Variants in SEMA5A observed in about 807,000 individuals in gnomAD.
The protein encoded by SEMA5A is semaphorin-5A.
SEMA5A carries 55 observed loss-of-function variants against 135.5 expected under a neutral mutation model. The observed-to-expected ratio is 0.41, with a 90% CI of 0.33 to 0.51. SEMA5A has a LOEUF of 0.51. Ranked by LOEUF, SEMA5A falls within the 20% of genes least tolerant of loss-of-function variation. The pLI is 0.37. For synonymous variants in SEMA5A, 580 were observed against 546.5 expected (o/e 1.06, Z -0.85); for missense variants, 1,290 against 1,419.9 (o/e 0.91, Z 1.47).
chr5:9,137,430 GGC>G (rs1458073095), intron 12 of SEMA5A, among the ~76,000 whole-genome samples: 1 of 152,128 alleles, frequency 6.6e-6, no homozygotes, highest in African/African-American at 2.4e-5. Flanking sequence ...TGAGGGCTGT[GGC>G]CTTTACATTA....
intron 11 of SEMA5A, among the ~76,000 whole-genome samples, chr5:9,175,329 C>T (rs1000403266): frequency 2.0e-5 from 3 of 152,072 alleles, no homozygotes; most frequent in Non-Finnish European, 4.4e-5. Context: ...CACCTCACTG[C>T]CTGTATTTCT....
At chr5:9,443,710 C>A (rs1383171717) in intron 1 of SEMA5A, among the ~76,000 whole-genome samples, 2 of 152,260 alleles carry the variant, frequency 1.3e-5, no homozygotes, top group African/African-American at 4.8e-5. Context: ...GCATTAGTAT[C>A]TTTGAAGGAT....
chr5:9,058,262 G>C (rs1401781962), intron 18 of SEMA5A, among the ~76,000 whole-genome samples: 1 of 152,154 alleles, frequency 6.6e-6, no homozygotes, highest in African/African-American at 2.4e-5. Flanking sequence ...AAAGACTTGA[G>C]GCATAGAGAG....
intron 6 of SEMA5A, among the ~76,000 whole-genome samples, chr5:9,231,292 C>T (rs1434358732): frequency 6.6e-6 from 1 of 151,768 alleles, no homozygotes; most frequent in African/African-American, 2.4e-5. Context: ...CATGAAACCC[C>T]ATGCCTACTA....
intron 1 of SEMA5A, among the ~76,000 whole-genome samples, chr5:9,506,289 T>TA (rs1463069572): frequency 6.6e-6 from 1 of 152,254 alleles, no homozygotes; most frequent in Non-Finnish European, 1.5e-5. Flanking sequence ...TTTGTTTATA[T>TA]CTGCATTTAG....
At chr5:9,496,267 A>T (rs1247518306) in intron 1 of SEMA5A, among the ~76,000 whole-genome samples, 1 of 151,978 alleles carries the variant, frequency 6.6e-6, no homozygotes, top group African/African-American at 2.4e-5. Context: ...CTGGTCTCAA[A>T]CTCCTGACCT....
chr5:9,499,906 G>A (rs1003893241), intron 1 of SEMA5A, among the ~76,000 whole-genome samples: 4 of 151,882 alleles, frequency 2.6e-5, no homozygotes, highest in Admixed American at 6.6e-5. Context: ...AAGAAGGCTT[G>A]GGGAAAAAAG....
At chr5:9,339,248 T>C (rs920887351) in intron 3 of SEMA5A, among the ~76,000 whole-genome samples, 1 of 152,134 alleles carries the variant, frequency 6.6e-6, no homozygotes. Context: ...TAGGGGCTTG[T>C]GGGGTTACAG....
intron 15 of SEMA5A, among the ~76,000 whole-genome samples, chr5:9,118,113 A>G (rs1053657670): frequency 6.6e-6 from 1 of 152,236 alleles, no homozygotes; most frequent in African/African-American, 2.4e-5. Context: ...AACTATATAC[A>G]GTATTTTTAT....
intron 2 of SEMA5A, among the ~76,000 whole-genome samples, chr5:9,391,368 C>T (rs1011575576): frequency 7.2e-5 from 11 of 152,122 alleles, no homozygotes; most frequent in Non-Finnish European, 1.3e-4. Context: ...TAACATTTAT[C>T]GGCTGGTGAA....
chr5:9,313,228 T>A (rs956666813), intron 5 of SEMA5A, among the ~76,000 whole-genome samples: 2 of 152,086 alleles, frequency 1.3e-5, no homozygotes, highest in Non-Finnish European at 2.9e-5. Flanking sequence ...GAGAGGAAAA[T>A]TGTAAAACAG....
chr5:9,423,741 GGGAATCAC>G (rs1368976324), intron 2 of SEMA5A, among the ~76,000 whole-genome samples: 2 of 152,226 alleles, frequency 1.3e-5, no homozygotes, highest in East Asian at 3.8e-4. Flanking sequence ...AATCCTTGCA[GGGAATCAC>G]ACACTGAGTG....
chr5:9,500,028 G>T (rs1327382356), intron 1 of SEMA5A, among the ~76,000 whole-genome samples: 1 of 152,144 alleles, frequency 6.6e-6, no homozygotes, highest in Non-Finnish European at 1.5e-5. Context: ...CCATTAGCCA[G>T]TATCCATCTG....
intron 10 of SEMA5A, 77 bp downstream of exon 10, chr5:9,197,091 C>G: frequency 6.3e-7 from 1 of 1,588,264 alleles, no homozygotes; most frequent in Non-Finnish European, 8.6e-7. Flanking sequence ...GTTTAAATTA[C>G]CCTTGCCTGT....
chr5:9,104,751 T>C (rs934541628), intron 16 of SEMA5A, among the ~76,000 whole-genome samples: 2 of 152,152 alleles, frequency 1.3e-5, no homozygotes, highest in African/African-American at 4.8e-5. Context: ...ACCCGCTCTG[T>C]GAAGCCACAG....
At chr5:9,139,718 T>C (rs990910687) in intron 12 of SEMA5A, among the ~76,000 whole-genome samples, 5 of 152,216 alleles carry the variant, frequency 3.3e-5, no homozygotes, top group African/African-American at 1.2e-4. Flanking sequence ...GATATACATG[T>C]TATAAGATTT....
chr5:9,389,414 A>G (rs981461353), intron 2 of SEMA5A, among the ~76,000 whole-genome samples: 2 of 152,206 alleles, frequency 1.3e-5, no homozygotes, highest in Non-Finnish European at 2.9e-5. Flanking sequence ...GTATTTACAT[A>G]TAAAAGCCAG....
At chr5:9,167,301 C>T (rs1287815094) in intron 11 of SEMA5A, among the ~76,000 whole-genome samples, 1 of 152,170 alleles carries the variant, frequency 6.6e-6, no homozygotes, top group Non-Finnish European at 1.5e-5. Context: ...AAACCTTCCT[C>T]TCTGGCTTCA....
intron 2 of SEMA5A, among the ~76,000 whole-genome samples, chr5:9,387,243 T>C (rs1392827987): frequency 6.6e-6 from 1 of 152,184 alleles, no homozygotes; most frequent in Non-Finnish European, 1.5e-5. Flanking sequence ...CTAGTGAATA[T>C]AATCAGGGAT....
Sources: gnomAD v4.1 joint callset for allele counts (sites outside exome capture counted in the v4.1 genomes callset) on GRCh38, gnomAD v4.1.1 for gene constraint, MANE v1.5 for transcripts, NCBI Gene and HGNC (gene_info 2026-07-23, HGNC 2026-07-21) for gene names.